NBEAL1: variants seen among roughly 807,000 people sequenced by gnomAD.
NBEAL1 encodes neurobeachin-like protein 1.
A neutral mutation model predicts 351.3 loss-of-function variants in NBEAL1; 273 were observed. The observed-to-expected ratio is 0.78, with a 90% confidence interval of 0.70 to 0.86. NBEAL1 has a LOEUF of 0.86. Ranked by LOEUF, NBEAL1 falls within the 40% of genes least tolerant of loss-of-function variation. The pLI, the probability that NBEAL1 is intolerant of heterozygous loss-of-function variation, is 0.00. For synonymous variants in NBEAL1, 1,050 were observed against 1,086.4 expected, an observed-to-expected ratio of 0.97 and a Z score of 0.66; for missense variants, 2,961 against 3,201.3, an observed-to-expected ratio of 0.92 and a Z score of 1.81.
At chr2:203,126,486 G>A in intron 21 of NBEAL1, 71 bp from the exon 22 acceptor site, 1 of 1,153,626 alleles carries the variant, frequency 8.7e-7, no homozygotes, top group Non-Finnish European at 1.2e-6. Flanking sequence ...TCTGATTAAT[G>A]ATTTAAAATT....
rs141168291 is a variant in NBEAL1 at position 203,223,051 on chromosome 2, T to C, written c.*5697T>C. On this transcript the variant is annotated 3_prime_UTR_variant, in exon 56 of 56. Coordinates refer to ENST00000683969, the MANE Select transcript of NBEAL1 (RefSeq NM_001378026.1). ...ATTTAATAGTGGCTGTATTATCAGA[T>C]ACTTATTTGATTATAGTAATTCATC... Among the ~76,000 whole-genome samples the C allele has an allele frequency of 2.7e-4, 41 of 152,322 alleles. 1 individual carries two copies. The East Asian group carries it at 7.9e-3, about 29-fold the overall frequency.
At chr2:203,030,728 A>C (rs141779676) in intron 2 of NBEAL1, among the ~76,000 whole-genome samples, 115 of 152,316 alleles carry the variant, frequency 7.6e-4, no homozygotes, top group African/African-American at 2.7e-3. Context: ...TAGAAGGCAG[A>C]GATTATAAAA....
chr2:203,122,194 G>T, intron 18 of NBEAL1, 60 bp from the exon 19 acceptor site: 1 of 924,836 alleles, frequency 1.1e-6, no homozygotes, highest in Non-Finnish European at 1.6e-6. Flanking sequence ...TGTTCTATAT[G>T]TGGTTAAATT....
At chr2:203,119,169 AT>A (rs893486620) in intron 18 of NBEAL1, among the ~76,000 whole-genome samples, 426 of 141,514 alleles carry the variant, frequency 3.0e-3, no homozygotes, top group Middle Eastern at 7.3e-3. Flanking sequence ...GTTGGATTCT[AT>A]TTTTTTTTTT....
intron 35 of NBEAL1, among the ~76,000 whole-genome samples, chr2:203,156,980 T>C (rs531058690): frequency 1.3e-5 from 2 of 152,308 alleles, no homozygotes; most frequent in South Asian, 4.1e-4. Flanking sequence ...GTGTACCAGA[T>C]GTTTCACATA....
rs773134481 is a variant in NBEAL1, at chr2:203,108,091, G to A, written c.1852G>A (p.Gly618Arg). 2.6e-6 allele frequency: 4 copies of A among 1,552,134 alleles called. No individual in the cohort carries two copies. Among genetic ancestry groups the A allele is most frequent in the Non-Finnish European group, 1.7e-6 (2 of 1,147,098 alleles). ...TGTGCCTCCCATACAGAAATGGCCA[G>A]GGTCTGCCTTTTCTTTCAGTGCTTG... Reference protein sequence around the residue: ...ISVPPIQKWPGSAFSFSAWFC... With the variant: ...ISVPPIQKWPRSAFSFSAWFC... Residue 618 changes from glycine (G) to arginine (R), a missense_variant, in exon 14 of 56, where the codon GGG (glycine) becomes AGG (arginine). Gly to Arg is a moderately radical substitution (Grantham distance 125). Coordinates refer to ENST00000683969, the MANE Select transcript of NBEAL1 (RefSeq NM_001378026.1).
At chr2:203,213,752 CAAATT>C in intron 55 of NBEAL1, 99 bp downstream of exon 55, 1 of 1,540,470 alleles carries the variant, frequency 6.5e-7, no homozygotes, top group Non-Finnish European at 8.7e-7. Context: ...TAGGGATAAA[CAAATT>C]AAAAGCCAAA....
intron 49 of NBEAL1, among the ~76,000 whole-genome samples, chr2:203,201,332 A>G (rs2065393182): frequency 6.6e-6 from 1 of 152,134 alleles, no homozygotes; most frequent in Admixed American, 6.5e-5. Context: ...TTTGTTTACC[A>G]CTTGAGATTG....
chr2:203,089,874 C>A (rs1267720570), intron 10 of NBEAL1, among the ~76,000 whole-genome samples: 1 of 152,108 alleles, frequency 6.6e-6, no homozygotes, highest in African/African-American at 2.4e-5. Context: ...GCTTTTGTCT[C>A]TTTTTTGAAA....
intron 12 of NBEAL1, among the ~76,000 whole-genome samples, chr2:203,105,649 C>T (rs1181593796): frequency 6.6e-6 from 1 of 152,012 alleles, no homozygotes; most frequent in Non-Finnish European, 1.5e-5. Flanking sequence ...TGGCTTAACA[C>T]CTGAAATAAA....
intron 2 of NBEAL1, among the ~76,000 whole-genome samples, chr2:203,038,743 T>A (rs2061079591): frequency 6.7e-6 from 1 of 148,982 alleles, no homozygotes; most frequent in African/African-American, 2.4e-5. Context: ...AGTGGCACGA[T>A]CACAGCTCAC....
intron 49 of NBEAL1, among the ~76,000 whole-genome samples, chr2:203,200,287 C>T (rs1212803038): frequency 1.3e-5 from 2 of 152,014 alleles, no homozygotes; most frequent in South Asian, 2.1e-4. Context: ...CAGAGGCAGG[C>T]GGATCACGAG....
At chr2:203,163,109 A>G (rs1378026064) in intron 36 of NBEAL1, among the ~76,000 whole-genome samples, 1 of 152,226 alleles carries the variant, frequency 6.6e-6, no homozygotes, top group African/African-American at 2.4e-5. Context: ...GTGAGCTGAG[A>G]TTGCACCACT....
intron 40 of NBEAL1, 112 bp downstream of exon 40, chr2:203,172,135 CT>C (rs1452723425): frequency 4.1e-6 from 2 of 489,458 alleles, no homozygotes; most frequent in Non-Finnish European, 6.8e-6. Flanking sequence ...ACACTTTGGC[CT>C]TTCTGTATGT....
rs558565030 is a variant in NBEAL1, at chr2:203,177,866, A to T, written c.6465-2516A>T. Among the ~76,000 whole-genome samples the T allele has an allele frequency of 2.0e-5, 3 of 152,012 alleles. No individual in the cohort carries two copies. The South Asian group carries it at 6.3e-4, about 32-fold the overall frequency. On this transcript the variant is annotated intron_variant, in intron 42 of 55. Coordinates refer to ENST00000683969, the MANE Select transcript of NBEAL1 (RefSeq NM_001378026.1). ...AAACCCTGTCTCTACTAAAAATACA[A>T]AAATTATCTGGGCGTGGTCGTGGGT... is the stretch of plus-strand genomic sequence containing the variant.
intron 40 of NBEAL1, 68 bp from the exon 41 acceptor site, chr2:203,172,661 A>T: frequency 1.1e-5 from 15 of 1,379,608 alleles, no homozygotes; most frequent in Non-Finnish European, 1.4e-5. Context: ...TAACCATTTG[A>T]TATTAGATAT....
rs1005324063 is a variant in NBEAL1, at chr2:203,217,376, A to T, written c.*22A>T. On this transcript the variant is annotated 3_prime_UTR_variant, in exon 56 of 56. Coordinates refer to ENST00000683969, the MANE Select transcript of NBEAL1 (RefSeq NM_001378026.1). ...GTGATTGTTATTTCCATTTTCTGTT[A>T]TGATTACTGAAACCTGATTTATTGC... 3.2e-6 allele frequency: 5 copies of T among 1,559,736 alleles called. No individual in the cohort carries two copies. The highest frequency in any genetic ancestry group is 4.0e-5 in the Admixed American group (2 of 49,566).
At chr2:203,202,368 A>G (rs978921744) in intron 50 of NBEAL1, among the ~76,000 whole-genome samples, 4 of 152,184 alleles carry the variant, frequency 2.6e-5, no homozygotes, top group African/African-American at 9.7e-5. Flanking sequence ...TGAGAAAGCA[A>G]AGTAGCATAT....
intron 46 of NBEAL1, among the ~76,000 whole-genome samples, chr2:203,192,999 T>C (rs767860485): frequency 3.8e-5 from 5 of 130,502 alleles, no homozygotes; most frequent in Non-Finnish European, 7.9e-5. Context: ...TGAGATGGAG[T>C]CTTACTCTGT....
Sources: allele counts gnomAD v4.1 joint callset (sites outside exome capture counted in the v4.1 genomes callset), GRCh38; gene constraint gnomAD v4.1.1; transcripts MANE v1.5; gene names NCBI Gene and HGNC (gene_info 2026-07-23, HGNC 2026-07-21).